ARHGAP15: variants seen among roughly 807,000 people sequenced by gnomAD.
ARHGAP15 encodes Rho GTPase activating protein 15.
A neutral mutation model predicts 63.7 loss-of-function variants in ARHGAP15; 51 were observed. That is an observed-to-expected ratio of 0.80 (90% CI 0.64 to 1.01). The LOEUF is 1.01. Among genes scored for constraint, ARHGAP15 ranks in the 50% least tolerant of loss-of-function variants. The pLI, the probability that ARHGAP15 is intolerant of heterozygous loss-of-function variation, is 0.00. For missense variants in ARHGAP15, 560 were observed against 564.6 expected (o/e 0.99, Z 0.08); for synonymous variants, 191 against 193.8 (o/e 0.99, Z 0.12).
chr2:143,299,127 T>C (rs1265621116), intron 6 of ARHGAP15, among the ~76,000 whole-genome samples: 1 of 151,992 alleles, frequency 6.6e-6, no homozygotes, highest in African/African-American at 2.4e-5. Flanking sequence ...TACTGAGTTT[T>C]CTTAAGTTCT....
intron 6 of ARHGAP15, among the ~76,000 whole-genome samples, chr2:143,347,939 A>G (rs1685368456): frequency 1.3e-5 from 2 of 151,788 alleles, no homozygotes; most frequent in Non-Finnish European, 2.9e-5. Context: ...AGAGATTTTG[A>G]TATCTGTAAG....
intron 1 of ARHGAP15, among the ~76,000 whole-genome samples, chr2:143,141,477 T>C (rs1479231885): frequency 2.0e-5 from 3 of 151,802 alleles, no homozygotes; most frequent in African/African-American, 7.3e-5. Flanking sequence ...ACAGCTCAAA[T>C]AGAGAACAGA....
chr2:143,362,418 T>A (rs557531850), intron 6 of ARHGAP15, among the ~76,000 whole-genome samples: 5 of 152,318 alleles, frequency 3.3e-5, no homozygotes, highest in African/African-American at 9.6e-5. Flanking sequence ...TTCTTCTGCC[T>A]CTTTGGGAAT....
intron 10 of ARHGAP15, among the ~76,000 whole-genome samples, chr2:143,546,298 A>T (rs1695326554): frequency 6.6e-6 from 1 of 152,148 alleles, no homozygotes; most frequent in Admixed American, 6.6e-5. Context: ...ATGAATTTTA[A>T]ATCAGTATCT....
intron 9 of ARHGAP15, among the ~76,000 whole-genome samples, chr2:143,507,518 T>A (rs1469001074): frequency 6.6e-6 from 1 of 152,226 alleles, no homozygotes; most frequent in African/African-American, 2.4e-5. Flanking sequence ...TTGGACTTCT[T>A]TTCTCATTTC....
At chr2:143,263,198 A>T (rs1042786679) in intron 6 of ARHGAP15, among the ~76,000 whole-genome samples, 2 of 152,224 alleles carry the variant, frequency 1.3e-5, no homozygotes, top group African/African-American at 4.8e-5. Context: ...GGCAGATCTT[A>T]AGATCACGTG....
At chr2:143,578,113 G>A (rs1300365223) in intron 11 of ARHGAP15, among the ~76,000 whole-genome samples, 1 of 152,096 alleles carries the variant, frequency 6.6e-6, no homozygotes, top group African/African-American at 2.4e-5. Context: ...CACAGCAATT[G>A]ATTGGTTCAG....
At chr2:143,502,511 AGTT>A (rs1224517054) in intron 9 of ARHGAP15, among the ~76,000 whole-genome samples, 1 of 152,146 alleles carries the variant, frequency 6.6e-6, no homozygotes, top group Non-Finnish European at 1.5e-5. Flanking sequence ...TCCTATAATC[AGTT>A]ATTACAGCAT....
At chr2:143,250,891 G>C (rs1680127728) in intron 6 of ARHGAP15, among the ~76,000 whole-genome samples, 1 of 151,882 alleles carries the variant, frequency 6.6e-6, no homozygotes, top group South Asian at 2.1e-4. Context: ...TTCAAACATG[G>C]GATGTTTGAC....
At chr2:143,498,501 T>A (rs199518396) in intron 9 of ARHGAP15, among the ~76,000 whole-genome samples, 1 of 152,212 alleles carries the variant, frequency 6.6e-6, no homozygotes, top group Non-Finnish European at 1.5e-5. Flanking sequence ...ATCAAAGCAT[T>A]TTCTGGGGCA....
chr2:143,257,063 T>A (rs956975513), intron 6 of ARHGAP15, among the ~76,000 whole-genome samples: 1 of 152,110 alleles, frequency 6.6e-6, no homozygotes, highest in Admixed American at 6.6e-5. Flanking sequence ...ATTCTAGACA[T>A]CTAGAATTAA....
At chr2:143,265,049 A>T (rs569524424) in intron 6 of ARHGAP15, among the ~76,000 whole-genome samples, 1 of 152,280 alleles carries the variant, frequency 6.6e-6, no homozygotes, top group South Asian at 2.1e-4. Context: ...TTAGAATCAC[A>T]TTGGGCTTTC....
At chr2:143,622,650 G>A (rs1698683423) in intron 11 of ARHGAP15, among the ~76,000 whole-genome samples, 1 of 152,012 alleles carries the variant, frequency 6.6e-6, no homozygotes, top group African/African-American at 2.4e-5. Flanking sequence ...ATTGAGGTAG[G>A]AATGAAGACT....
chr2:143,409,443 T>C (rs1327047167), intron 6 of ARHGAP15, among the ~76,000 whole-genome samples: 2 of 152,100 alleles, frequency 1.3e-5, no homozygotes, highest in Non-Finnish European at 2.9e-5. Flanking sequence ...AATGGTCCTT[T>C]AACTGGGCTT....
rs145163377 is a variant in ARHGAP15 at position 143,729,955 on chromosome 2, A to G, written c.1244+26431A>G. On this transcript the variant is annotated intron_variant, in intron 13 of 13. Coordinates refer to ENST00000295095, the MANE Select transcript of ARHGAP15 (RefSeq NM_018460.4). Reference sequence around the variant, plus strand: ...TCATAAATAAGTATGTGTTCTAGAAAGTGGGGTAAGACCACAGAGGAGTCC... The same window carrying G: ...TCATAAATAAGTATGTGTTCTAGAAGGTGGGGTAAGACCACAGAGGAGTCC... Among the ~76,000 whole-genome samples the G allele has an allele frequency of 5.3e-3, 811 of 152,336 alleles. 6 individuals carry two copies. The highest frequency in any genetic ancestry group is 0.018 in the African/African-American group (759 of 41,572).
intron 2 of ARHGAP15, among the ~76,000 whole-genome samples, chr2:143,186,077 C>T (rs1029070192): frequency 7.2e-5 from 11 of 152,264 alleles, no homozygotes; most frequent in African/African-American, 2.6e-4. Flanking sequence ...ATAATCTCAA[C>T]TTTTTCTTCT....
chr2:143,432,118 A>T (rs893073576), intron 6 of ARHGAP15, among the ~76,000 whole-genome samples: 3 of 152,090 alleles, frequency 2.0e-5, no homozygotes, highest in African/African-American at 7.2e-5. Flanking sequence ...TTGTGTAGCT[A>T]TGCATAATTT....
At chr2:143,731,436 T>C (rs1685532079) in intron 13 of ARHGAP15, among the ~76,000 whole-genome samples, 1 of 152,172 alleles carries the variant, frequency 6.6e-6, no homozygotes, top group Non-Finnish European at 1.5e-5. Context: ...TTCCACCAAA[T>C]GAATGAATTT....
intron 6 of ARHGAP15, among the ~76,000 whole-genome samples, chr2:143,274,977 A>G (rs927404541): frequency 6.6e-6 from 1 of 151,172 alleles, no homozygotes; most frequent in Non-Finnish European, 1.5e-5. Context: ...CCTGGACAAC[A>G]TGGTGAAACC....
Sources: allele counts gnomAD v4.1 joint callset (sites outside exome capture counted in the v4.1 genomes callset), GRCh38; gene constraint gnomAD v4.1.1; transcripts MANE v1.5; gene names NCBI Gene and HGNC (gene_info 2026-07-23, HGNC 2026-07-21).